Variants in ANO2 observed in about 807,000 individuals in gnomAD.
ANO2 encodes anoctamin-2.
A neutral mutation model predicts 124.2 loss-of-function variants in ANO2; 101 were observed. The observed-to-expected ratio is 0.81, with a 90% CI of 0.69 to 0.96. The LOEUF (loss-of-function observed/expected upper bound fraction) is 0.96. Ranked by LOEUF, ANO2 falls within the 40% of genes least tolerant of loss-of-function variation. ANO2 has a pLI of 0.00. For missense variants in ANO2, 1,293 were observed against 1,274.5 expected, an observed-to-expected ratio of 1.01 and a Z score of -0.22; for synonymous variants, 486 against 482.5, an observed-to-expected ratio of 1.01 and a Z score of -0.09.
intron 14 of ANO2, among the ~76,000 whole-genome samples, chr12:5,685,053 T>C (rs369900): frequency 0.12 from 18,955 of 152,224 alleles, 1,279 homozygotes; most frequent in East Asian, 0.22. Context: ...GTCAGAGTTC[T>C]TTTTGTTCCA....
chr12:5,757,451 A>G (rs905785807), intron 10 of ANO2, among the ~76,000 whole-genome samples: 6 of 152,240 alleles, frequency 3.9e-5, no homozygotes, highest in Admixed American at 1.3e-4. Flanking sequence ...TGAGAAAAGT[A>G]CAATCTACCA....
At position 5,760,209 on chromosome 12, in the gene ANO2, A is replaced by G. The variant is rs1157448531; in HGVS notation, c.1056-9239T>C. On this transcript the variant is annotated intron_variant, in intron 10 of 24. Coordinates refer to ENST00000682330, the MANE Select transcript of ANO2 (RefSeq NM_001364791.2). ...AAAACAAAATTTACCAATTCATTAT[A>G]TTTTTTATTCCAAGTTTATAAAGTT... Among the ~76,000 whole-genome samples the G allele has an allele frequency of 1.4e-4, 22 of 152,160 alleles. 1 individual carries two copies. Among genetic ancestry groups the G allele is most frequent in the Admixed American group, 1.4e-3 (22 of 15,276 alleles).
intron 10 of ANO2, among the ~76,000 whole-genome samples, chr12:5,776,829 C>T (rs1055012492): frequency 6.6e-6 from 1 of 152,162 alleles, no homozygotes; most frequent in African/African-American, 2.4e-5. Context: ...GGGTTAAGTC[C>T]GTGGTCACAC....
rs1277376385 is a variant in ANO2 at position 5,922,648 on chromosome 12, C to A, written c.179G>T (p.Cys60Phe). 6.4e-7 allele frequency: 1 copy of A among 1,551,918 alleles called. No individual in the cohort carries two copies. The highest frequency in any genetic ancestry group is 8.7e-7 in the Non-Finnish European group (1 of 1,150,838). ...GGSNRDPGQP[C>F]GGESTRSSSV... ...GCTGCTGCGGGTGCTCTCTCCACCG[C>A]AGGGCTGGCCAGGATCTCTGTTGGA... is the stretch of plus-strand genomic sequence containing the variant. Residue 60 changes from cysteine (C) to phenylalanine (F), a missense_variant, in exon 2 of 25, where the codon TGC (cysteine) becomes TTC (phenylalanine). Transcript: ENST00000682330.
chr12:5,785,871 G>A (rs556367371), intron 10 of ANO2, among the ~76,000 whole-genome samples: 2 of 152,278 alleles, frequency 1.3e-5, no homozygotes, highest in African/African-American at 4.8e-5. Flanking sequence ...GAGATGCCAC[G>A]CAGACTTTTC....
At chr12:5,627,809 G>C (rs1945493608) in intron 16 of ANO2, among the ~76,000 whole-genome samples, 1 of 152,108 alleles carries the variant, frequency 6.6e-6, no homozygotes, top group Non-Finnish European at 1.5e-5. Context: ...CTTCCTGGTA[G>C]GGGCCAGGCA....
chr12:5,733,487 G>A (rs1950727717), intron 13 of ANO2, among the ~76,000 whole-genome samples: 1 of 152,186 alleles, frequency 6.6e-6, no homozygotes, highest in South Asian at 2.1e-4. Flanking sequence ...AGGACTTCAT[G>A]TTCCTGCATC....
chr12:5,665,963 G>A (rs534033309), intron 14 of ANO2, among the ~76,000 whole-genome samples: 103 of 152,150 alleles, frequency 6.8e-4, no homozygotes, highest in Non-Finnish European at 1.1e-3. Flanking sequence ...TCCAGAACAC[G>A]CACAAGGCAA....
At chr12:5,714,645 T>C (rs897842770) in intron 14 of ANO2, among the ~76,000 whole-genome samples, 10 of 152,222 alleles carry the variant, frequency 6.6e-5, no homozygotes, top group Admixed American at 4.6e-4. Flanking sequence ...CCTCCTATTC[T>C]TTCTCTTTAT....
At chr12:5,844,835 TTGTG>T (rs570165687) in intron 4 of ANO2, among the ~76,000 whole-genome samples, 1 of 120,636 alleles carries the variant, frequency 8.3e-6, no homozygotes, top group Non-Finnish European at 1.8e-5. Flanking sequence ...GAACCAGTTT[TTGTG>T]TGTTTGTTTG....
chr12:5,784,265 C>T (rs1403856735), intron 10 of ANO2, among the ~76,000 whole-genome samples: 2 of 152,176 alleles, frequency 1.3e-5, no homozygotes, highest in African/African-American at 4.8e-5. Flanking sequence ...CTGATGGATT[C>T]AGAAGCCCTT....
chr12:5,635,599 T>TCACACACA lies in ANO2; in HGVS notation c.1621-260_1621-253dup, dbSNP rs60128304. Among the ~76,000 whole-genome samples, 10,149 of 146,770 alleles carry TCACACACA rather than the reference T, an allele frequency of 0.069. 531 individuals carry two copies. The highest frequency in any genetic ancestry group is 0.15 in the African/African-American group (5,732 of 39,518). On this transcript the variant is annotated intron_variant, in intron 15 of 24. Transcript: ENST00000682330. The surrounding 1 kb of genome is among the most constrained non-coding windows in gnomAD (Gnocchi z 5.2). ...TTTTTGTCAGATTCCAAATGATTTA[T>TCACACACA]CACACACACACACACACACACACAC...
At chr12:5,813,686 G>GA (rs1349446572) in intron 7 of ANO2, among the ~76,000 whole-genome samples, 3 of 152,098 alleles carry the variant, frequency 2.0e-5, no homozygotes, top group Non-Finnish European at 2.9e-5. Context: ...GAGGCCTGCG[G>GA]ACATCACGCA....
chr12:5,894,237 C>T (rs1028048203), intron 3 of ANO2, among the ~76,000 whole-genome samples: 2 of 152,128 alleles, frequency 1.3e-5, no homozygotes, highest in Admixed American at 6.5e-5. Flanking sequence ...CTCTAATGAC[C>T]AGTGGTGATG....
At position 5,578,000 on chromosome 12, in the gene ANO2, C is replaced by G; in HGVS notation, c.2394G>C (p.Trp798Cys). The change falls in exon 22 of 25, where the codon TGG (tryptophan) becomes TGC (cysteine). Residue 798 changes from tryptophan to cysteine, a missense_variant. Trp to Cys is a radical substitution (Grantham distance 215). Transcript: ENST00000682330. ...TGCCAATTCCAGAGAGAATGTCAAA[C>G]CAGATTCCTACAAGACAGAAAAGAC... ...DAVRTKDIGI[W>C]FDILSGIGKF... 6.2e-7 allele frequency: 1 copy of G among 1,613,756 alleles called. No individual in the cohort carries two copies. Among genetic ancestry groups the G allele is most frequent in the Non-Finnish European group, 8.5e-7 (1 of 1,179,760 alleles).
chr12:5,844,073 G>A (rs1450002941), intron 4 of ANO2, among the ~76,000 whole-genome samples: 1 of 152,188 alleles, frequency 6.6e-6, no homozygotes, highest in Non-Finnish European at 1.5e-5. Context: ...GTCTATGAAG[G>A]AGGTGAGATT....
chr12:5,724,156 A>T (rs1950342655), intron 14 of ANO2, among the ~76,000 whole-genome samples: 1 of 152,130 alleles, frequency 6.6e-6, no homozygotes, highest in African/African-American at 2.4e-5. Context: ...GATTTCAGAA[A>T]CATAACCAGG....
intron 1 of ANO2, among the ~76,000 whole-genome samples, chr12:5,926,494 G>A (rs1942086516): frequency 6.6e-6 from 1 of 152,044 alleles, no homozygotes; most frequent in Non-Finnish European, 1.5e-5. Flanking sequence ...TGGCTCCCTG[G>A]GGTCCCGCCA....
At chr12:5,614,424 G>T (rs576232437) in intron 17 of ANO2, among the ~76,000 whole-genome samples, 1 of 152,268 alleles carries the variant, frequency 6.6e-6, no homozygotes, top group South Asian at 2.1e-4. Flanking sequence ...TCAGGGCAAG[G>T]GAAGGGCATT....
Sources: gnomAD v4.1 joint callset for allele counts (sites outside exome capture counted in the v4.1 genomes callset) on GRCh38, gnomAD v4.1.1 for gene constraint, Gnocchi (gnomAD v3.1) non-coding constraint, MANE v1.5 for transcripts, NCBI Gene and HGNC (gene_info 2026-07-23, HGNC 2026-07-21) for gene names.